Variants in PAX5 observed in about 807,000 individuals in gnomAD.
PAX5 encodes paired box protein Pax-5.
Under a neutral mutation model 43.7 loss-of-function variants are expected in PAX5, and 9 were observed. The observed-to-expected ratio is 0.21, with a 90% CI of 0.12 to 0.36. PAX5 has a LOEUF of 0.36. PAX5 is among the 10% of genes least tolerant of loss of function. The pLI, the probability that PAX5 is intolerant of heterozygous loss-of-function variation, is 1.00. For synonymous variants in PAX5, 228 were observed against 214.3 expected (o/e 1.06, Z -0.56); for missense variants, 383 against 532.7 (o/e 0.72, Z 2.77).
chr9:36,971,592 C>T (rs1451114612), intron 5 of PAX5, among the ~76,000 whole-genome samples: 1 of 152,172 alleles, frequency 6.6e-6, no homozygotes, highest in Non-Finnish European at 1.5e-5. Flanking sequence ...GGCAAAAGTA[C>T]AAAGGTGTAC....
At chr9:37,010,999 T>C (rs1425409141) in intron 3 of PAX5, among the ~76,000 whole-genome samples, 1 of 151,994 alleles carries the variant, frequency 6.6e-6, no homozygotes, top group African/African-American at 2.4e-5. Context: ...GTGGCACCTG[T>C]AGTCCTAGCT....
At chr9:36,981,014 A>G (rs1835865354) in intron 5 of PAX5, among the ~76,000 whole-genome samples, 1 of 151,806 alleles carries the variant, frequency 6.6e-6, no homozygotes, top group South Asian at 2.1e-4. Context: ...ACTCGCCTCC[A>G]TAGGGTTCCA....
At chr9:36,958,170 A>G (rs1463893101) in intron 6 of PAX5, among the ~76,000 whole-genome samples, 1 of 152,182 alleles carries the variant, frequency 6.6e-6, no homozygotes, top group East Asian at 1.9e-4. Flanking sequence ...CGTCATACTC[A>G]TCCATAAGAC....
At chr9:36,918,454 G>A (rs1000830340) in intron 7 of PAX5, among the ~76,000 whole-genome samples, 1 of 152,098 alleles carries the variant, frequency 6.6e-6, no homozygotes, top group Non-Finnish European at 1.5e-5. Flanking sequence ...CTTGAGCCTA[G>A]GAGTTTGAGA....
At chr9:37,027,483 C>T (rs1198474941) in intron 1 of PAX5, among the ~76,000 whole-genome samples, 7 of 152,240 alleles carry the variant, frequency 4.6e-5, no homozygotes, top group African/African-American at 1.7e-4. Flanking sequence ...TCCGGGACGG[C>T]CGCCGTGCCT....
At chr9:36,972,181 T>G (rs1452090110) in intron 5 of PAX5, among the ~76,000 whole-genome samples, 1 of 152,232 alleles carries the variant, frequency 6.6e-6, no homozygotes, top group African/African-American at 2.4e-5. Context: ...CCTCCAGCCT[T>G]TCTCAGAGTC....
chr9:36,941,716 G>T (rs1338782050), intron 6 of PAX5, among the ~76,000 whole-genome samples: 2 of 147,232 alleles, frequency 1.4e-5, no homozygotes, highest in Non-Finnish European at 3.0e-5. Flanking sequence ...AAACTTGGTG[G>T]ACCCACAAGT....
intron 6 of PAX5, among the ~76,000 whole-genome samples, chr9:36,944,979 C>T (rs1832371154): frequency 6.6e-6 from 1 of 152,188 alleles, no homozygotes; most frequent in East Asian, 1.9e-4. Flanking sequence ...TGACAGGAAC[C>T]CAGGCCTGAA....
At chr9:36,866,377 G>A (rs1234688330) in intron 8 of PAX5, among the ~76,000 whole-genome samples, 1 of 152,138 alleles carries the variant, frequency 6.6e-6, no homozygotes, top group Non-Finnish European at 1.5e-5. Flanking sequence ...GCTGTGCCCC[G>A]GCGTACCTGC....
chr9:36,836,641 C>G lies in PAX5; in HGVS notation c.*3919G>C, dbSNP rs1344311239. 3 of 232,886 alleles carry G rather than the reference C, an allele frequency of 1.3e-5. No homozygotes were observed. The highest frequency in any genetic ancestry group is 6.6e-5 in the African/African-American group (3 of 45,312). The allele number at this position is 232,886 out of a possible 1,614,324, so 14.4% of individuals were successfully genotyped here. ...TGGCAAGGCTACACCACCCCGTTCA[C>G]CCAGGAAGCAGTTCATTCAGGGGAC... On this transcript the variant is annotated 3_prime_UTR_variant, in exon 10 of 10. Coordinates refer to ENST00000358127, the MANE Select transcript of PAX5 (RefSeq NM_016734.3).
intron 8 of PAX5, among the ~76,000 whole-genome samples, chr9:36,877,509 A>T (rs769227672): frequency 6.6e-6 from 1 of 152,230 alleles, no homozygotes; most frequent in Non-Finnish European, 1.5e-5. Context: ...GAAACAGATC[A>T]TTGCAGCATA....
At chr9:36,906,500 A>G (rs777242031) in intron 7 of PAX5, among the ~76,000 whole-genome samples, 1 of 152,240 alleles carries the variant, frequency 6.6e-6, no homozygotes. Context: ...CAGGGCTTCC[A>G]GAAGGAACAC....
Position 36,910,793 on chromosome 9 carries a change from G to A in PAX5, c.910+12562C>T, listed in dbSNP as rs547320407. ...CAAGCCCTGATGTGGAACTGACCCC[G>A]CGCTGTGTGAAGAGTCAGGCCGCCG... On this transcript the variant is annotated intron_variant, in intron 7 of 9. Coordinates refer to ENST00000358127, the MANE Select transcript of PAX5 (RefSeq NM_016734.3). 1.8e-4 allele frequency among the ~76,000 whole-genome samples: 28 copies of A among 152,220 alleles called. No individual in the cohort carries two copies. The East Asian group carries it at 4.1e-3, about 22-fold the overall frequency.
chr9:36,981,452 A>AAAAAC, intron 5 of PAX5, among the ~76,000 whole-genome samples: 1 of 151,354 alleles, frequency 6.6e-6, no homozygotes, highest in East Asian at 1.9e-4. Flanking sequence ...AAAAAACAAA[A>AAAAAC]AACAGGTACA....
rs148843521 is a variant in PAX5 at position 36,923,826 on chromosome 9, G to A, written c.781-342C>T. 7.2e-4 allele frequency among the ~76,000 whole-genome samples: 109 copies of A among 152,326 alleles called. 2 individuals are homozygous for A. In the East Asian group the frequency reaches 0.015, roughly 21 times the overall value. ...TCCTCAGTGCAGGGATGGAGGGTCCGTAACCAAAAGCAAGGCAGAAATAAG... is the reference window on the plus strand; with the variant it reads ...TCCTCAGTGCAGGGATGGAGGGTCCATAACCAAAAGCAAGGCAGAAATAAG... On this transcript the variant is annotated intron_variant, in intron 6 of 9. Transcript: ENST00000358127.
At chr9:36,840,741 CCTCT>C in intron 9 of PAX5, 105 bp from the exon 10 acceptor site, 1 of 680,602 alleles carries the variant, frequency 1.5e-6, no homozygotes, top group Non-Finnish European at 2.5e-6. Flanking sequence ...GGGCCACCAT[CCTCT>C]CTCACCAAGA....
intron 6 of PAX5, among the ~76,000 whole-genome samples, chr9:36,941,745 G>A (rs1051206467): frequency 7.5e-5 from 11 of 146,396 alleles, no homozygotes; most frequent in Non-Finnish European, 1.2e-4. Flanking sequence ...TTCTGGTCAC[G>A]TCACAGGGAA....
intron 6 of PAX5, among the ~76,000 whole-genome samples, chr9:36,939,454 C>T (rs1180760807): frequency 6.6e-6 from 1 of 152,202 alleles, no homozygotes; most frequent in African/African-American, 2.4e-5. Flanking sequence ...ACCCCACGTG[C>T]TCAAGGCTGT....
intron 5 of PAX5, among the ~76,000 whole-genome samples, chr9:36,971,850 C>T (rs554945192): frequency 2.2e-4 from 33 of 152,216 alleles, no homozygotes; most frequent in Middle Eastern, 3.4e-3. Context: ...GGTCTGGTCA[C>T]GCAAAAAGGG....
Sources: gnomAD v4.1 joint callset for allele counts (sites outside exome capture counted in the v4.1 genomes callset) on GRCh38, gnomAD v4.1.1 for gene constraint, MANE v1.5 for transcripts, NCBI Gene and HGNC (gene_info 2026-07-23, HGNC 2026-07-21) for gene names.